BTBD9: variants seen among roughly 807,000 people sequenced by gnomAD.
The protein encoded by BTBD9 is BTB/POZ domain-containing protein 9.
In BTBD9, 49 loss-of-function variants were observed where a neutral mutation model predicts 64.3. The ratio of observed to expected loss-of-function variants is 0.76; its 90% CI spans 0.61 to 0.97. The LOEUF is 0.97. BTBD9 is among the 50% of genes least tolerant of loss of function. The probability of loss-of-function intolerance (pLI) is 0.00; values close to 1 mark genes in which losing one functional copy is unlikely to be tolerated. For synonymous variants in BTBD9, 260 were observed against 274.7 expected, an observed-to-expected ratio of 0.95 and a Z score of 0.53; for missense variants, 598 against 762.1, an observed-to-expected ratio of 0.78 and a Z score of 2.53.
intron 6 of BTBD9, among the ~76,000 whole-genome samples, chr6:38,425,726 A>G (rs2127285114): frequency 6.6e-6 from 1 of 151,148 alleles, no homozygotes; most frequent in South Asian, 2.1e-4. Flanking sequence ...TGGGCAACAC[A>G]GTGAGACCCC....
intron 4 of BTBD9, among the ~76,000 whole-genome samples, chr6:38,591,810 AGTGGT>A (rs1451077751): frequency 2.0e-5 from 3 of 152,174 alleles, no homozygotes; most frequent in Non-Finnish European, 4.4e-5. Context: ...TCACCACTTA[AGTGGT>A]GATAAGTATC....
In BTBD9 at chr6:38,184,266, G is replaced by A. The variant is rs754065083; in HGVS notation, c.1641+8253C>T. ...CAGATTCACAGGTACCAGGCTGCCCGCTGGGCTTGACTATCCCGGCTGTCC... is the reference window on the plus strand; with the variant it reads ...CAGATTCACAGGTACCAGGCTGCCCACTGGGCTTGACTATCCCGGCTGTCC... On this transcript the variant is annotated intron_variant, in intron 10 of 10. Transcript: ENST00000481247. This position sits in a 1 kb window ranked among gnomAD's most constrained non-coding sequence, Gnocchi z 4.4. Among the ~76,000 whole-genome samples, 1 of 152,190 alleles carries A rather than the reference G, an allele frequency of 6.6e-6. No individual in the cohort carries two copies. Among genetic ancestry groups the A allele is most frequent in the Non-Finnish European group, 1.5e-5 (1 of 68,030 alleles).
At chr6:38,585,358 G>C (rs912702118) in intron 4 of BTBD9, among the ~76,000 whole-genome samples, 7 of 152,116 alleles carry the variant, frequency 4.6e-5, no homozygotes, top group Admixed American at 3.3e-4. Flanking sequence ...ACCTAGGCTG[G>C]AGTGTGGTGG....
At chr6:38,199,689 C>T (rs1330186564) in intron 9 of BTBD9, among the ~76,000 whole-genome samples, 1 of 152,162 alleles carries the variant, frequency 6.6e-6, no homozygotes, top group Admixed American at 6.5e-5. Flanking sequence ...CTGGAGGACA[C>T]AGCCATGCAG....
intron 6 of BTBD9, among the ~76,000 whole-genome samples, chr6:38,465,707 TTATA>T (rs1157324453): frequency 0.024 from 1,110 of 46,382 alleles, 23 homozygotes; most frequent in African/African-American, 0.056. Flanking sequence ...AATAAATAAA[TTATA>T]TATATATATA....
intron 7 of BTBD9, among the ~76,000 whole-genome samples, chr6:38,294,163 AAAC>A (rs1458802179): frequency 6.6e-6 from 1 of 152,198 alleles, no homozygotes; most frequent in African/African-American, 2.4e-5. Context: ...AAAAGTCAGG[AAAC>A]AACAGATGCT....
chr6:38,300,364 C>A (rs1762342481), intron 7 of BTBD9, among the ~76,000 whole-genome samples: 1 of 152,018 alleles, frequency 6.6e-6, no homozygotes, highest in South Asian at 2.1e-4. Flanking sequence ...TCCATATGAA[C>A]TTTAAAGTAG....
chr6:38,375,942 G>GAAAGAAAGAAAGAAAGAAA (rs1562098258), intron 6 of BTBD9, among the ~76,000 whole-genome samples: 1 of 26,164 alleles, frequency 3.8e-5, no homozygotes, highest in African/African-American at 1.3e-4. Context: ...AAAGAAAGAA[G>GAAAGAAAGAAAGAAAGAAA]GAAAGAAGGA....
intron 7 of BTBD9, among the ~76,000 whole-genome samples, chr6:38,341,074 AACAG>A (rs1389886813): frequency 3.9e-5 from 6 of 152,188 alleles, no homozygotes; most frequent in African/African-American, 1.2e-4. Context: ...ATTAGAGAAA[AACAG>A]ACAAAGATAG....
intron 6 of BTBD9, among the ~76,000 whole-genome samples, chr6:38,465,160 T>C (rs1184517496): frequency 6.6e-6 from 1 of 151,088 alleles, no homozygotes; most frequent in Non-Finnish European, 1.5e-5. Context: ...CTGGGTATGG[T>C]GGTGTGTGCC....
chr6:38,314,951 G>C (rs9470858), intron 7 of BTBD9, among the ~76,000 whole-genome samples: 5,511 of 152,198 alleles, frequency 0.036, 359 homozygotes, highest in African/African-American at 0.13. Context: ...CCGGGTTCAC[G>C]CTATTCTCCT....
At chr6:38,218,559 T>C (rs1259703537) in intron 9 of BTBD9, among the ~76,000 whole-genome samples, 2 of 152,224 alleles carry the variant, frequency 1.3e-5, no homozygotes, top group Non-Finnish European at 2.9e-5. Context: ...CTTTCACTCA[T>C]TTCTACTTTA....
chr6:38,462,910 C>T (rs1770168298), intron 6 of BTBD9, among the ~76,000 whole-genome samples: 1 of 152,124 alleles, frequency 6.6e-6, no homozygotes, highest in African/African-American at 2.4e-5. Context: ...ACTATCCTCC[C>T]ACCTCAGACT....
chr6:38,375,886 G>GA (rs1765658765), intron 6 of BTBD9, among the ~76,000 whole-genome samples: 1 of 120,414 alleles, frequency 8.3e-6, no homozygotes, highest in Non-Finnish European at 1.8e-5. Context: ...ACAAAAGAAA[G>GA]AAAGAAAAGA....
chr6:38,362,663 T>A (rs1241509067), intron 6 of BTBD9, among the ~76,000 whole-genome samples: 1 of 152,216 alleles, frequency 6.6e-6, no homozygotes, highest in Admixed American at 6.5e-5. Flanking sequence ...TCAAAAATCC[T>A]TTTTATAAGG....
chr6:38,557,015 CAAAAAAAAAAAAAAAAAAAAAAAAAAA>C lies in BTBD9; in HGVS notation c.1154+20558_1154+20584del, dbSNP rs397888418. On this transcript the variant is annotated intron_variant, in intron 6 of 10. Transcript: ENST00000481247. Reference sequence around the variant, plus strand: ...GGAACAGAGCGAGACTCCATCTCACCAAAAAAAAAAAAAAAAAAAAAAAAAAAAAAAAAAAAAAAAAGGGCCAGGCAC... The same window carrying C: ...GGAACAGAGCGAGACTCCATCTCACCAAAAAAAAAAAAAAGGGCCAGGCAC... Among the ~76,000 whole-genome samples the C allele has an allele frequency of 7.8e-4, 12 of 15,386 alleles. No individual in the cohort carries two copies. The South Asian group carries it at 0.01, about 13-fold the overall frequency. The allele number at this position is 15,386 out of a possible 152,430, so 10.1% of individuals were successfully genotyped here. A position where few individuals can be genotyped will look rare whatever the true frequency, so the allele number is the denominator to read the frequency against.
intron 7 of BTBD9, among the ~76,000 whole-genome samples, chr6:38,303,413 T>C (rs1465844896): frequency 1.3e-5 from 2 of 152,152 alleles, no homozygotes; most frequent in African/African-American, 2.4e-5. Flanking sequence ...TTTGCACATA[T>C]GGAATATTGG....
At chr6:38,197,955 C>T (rs979272083) in intron 9 of BTBD9, among the ~76,000 whole-genome samples, 5 of 152,058 alleles carry the variant, frequency 3.3e-5, no homozygotes, top group Admixed American at 1.3e-4. Flanking sequence ...GAGGAGAGGG[C>T]GAGGACTGGG....
At chr6:38,452,362 C>T (rs1582453281) in intron 6 of BTBD9, among the ~76,000 whole-genome samples, 4 of 152,156 alleles carry the variant, frequency 2.6e-5, no homozygotes, top group South Asian at 2.1e-4. Flanking sequence ...CTCTTAACAA[C>T]ATTAATAACT....
Sources: allele counts gnomAD v4.1 joint callset (sites outside exome capture counted in the v4.1 genomes callset), GRCh38; gene constraint gnomAD v4.1.1; non-coding constraint Gnocchi (gnomAD v3.1); transcripts MANE v1.5; gene names NCBI Gene and HGNC (gene_info 2026-07-23, HGNC 2026-07-21).